CTNNBL1: variants seen among roughly 807,000 people sequenced by gnomAD.
CTNNBL1 encodes beta-catenin-like protein 1.
A neutral mutation model predicts 72.7 loss-of-function variants in CTNNBL1; 31 were observed. The observed-to-expected ratio is 0.43, with a 90% CI of 0.32 to 0.58. CTNNBL1 has a LOEUF of 0.58. Among genes scored for constraint, CTNNBL1 ranks in the 20% least tolerant of loss-of-function variants. The pLI is 0.08. For synonymous variants in CTNNBL1, 240 were observed against 267.3 expected, an observed-to-expected ratio of 0.90 and a Z score of 1.00; for missense variants, 534 against 725.1, an observed-to-expected ratio of 0.74 and a Z score of 3.03.
chr20:37,856,151 C>T lies in CTNNBL1; in HGVS notation c.1393-3748C>T, dbSNP rs573728368. 4.7e-4 allele frequency among the ~76,000 whole-genome samples: 71 copies of T among 150,640 alleles called. 1 individual carries two copies. The South Asian group carries it at 8.0e-3, about 17-fold the overall frequency. ...ACTTGGGAGGCTGAGGCAGGAGAGT[C>T]GCTTGAACCCGGCACTCCAGCCTGG... On this transcript the variant is annotated intron_variant, in intron 13 of 15. Coordinates refer to ENST00000361383, the MANE Select transcript of CTNNBL1 (RefSeq NM_030877.5).
chr20:37,700,659 C>T (rs1319284009), intron 1 of CTNNBL1, among the ~76,000 whole-genome samples: 1 of 152,140 alleles, frequency 6.6e-6, no homozygotes, highest in Admixed American at 6.5e-5. Context: ...CCCAGCAGTG[C>T]CTTGGCTGAG....
Position 37,817,556 on chromosome 20 carries a change from C to T in CTNNBL1, c.1213+14508C>T, listed in dbSNP as rs536700161. 6.6e-5 allele frequency among the ~76,000 whole-genome samples: 10 copies of T among 152,298 alleles called. 1 individual carries two copies. The South Asian group carries it at 1.0e-3, about 16-fold the overall frequency. ...ACTTGAGTTCAAATCCCAGCTCACA[C>T]CAGCTGTATAACTTTTGGCATGTTA... On this transcript the variant is annotated intron_variant, in intron 11 of 15. Coordinates refer to ENST00000361383, the MANE Select transcript of CTNNBL1 (RefSeq NM_030877.5).
chr20:37,824,967 G>T (rs1233814953), intron 11 of CTNNBL1, among the ~76,000 whole-genome samples: 1 of 152,200 alleles, frequency 6.6e-6, no homozygotes, highest in South Asian at 2.1e-4. Context: ...TTAATCACAT[G>T]ATCATACCTA....
chr20:37,789,045 T>G (rs1249762948), intron 10 of CTNNBL1, among the ~76,000 whole-genome samples: 2 of 152,178 alleles, frequency 1.3e-5, no homozygotes, highest in African/African-American at 4.8e-5. Context: ...TGAGGTGATG[T>G]TTAAAAGTGG....
chr20:37,746,430 C>T (rs1178924411), intron 3 of CTNNBL1, 38 bp from the exon 4 acceptor site: 1 of 1,599,870 alleles, frequency 6.3e-7, no homozygotes, highest in Admixed American at 1.7e-5. Flanking sequence ...GCTGATAGTG[C>T]CCCTTTCCTT....
intron 10 of CTNNBL1, among the ~76,000 whole-genome samples, chr20:37,786,860 A>C (rs2073679584): frequency 6.6e-6 from 1 of 152,208 alleles, no homozygotes; most frequent in South Asian, 2.1e-4. Context: ...TTACATTAAC[A>C]GAAAATAGAG....
At chr20:37,864,470 T>C (rs932521212) in intron 15 of CTNNBL1, among the ~76,000 whole-genome samples, 1 of 152,126 alleles carries the variant, frequency 6.6e-6, no homozygotes, top group Non-Finnish European at 1.5e-5. Context: ...TTTCCCGTTA[T>C]TTTTCAGCCC....
chr20:37,771,296 T>G (rs1187857669), intron 7 of CTNNBL1, among the ~76,000 whole-genome samples: 2 of 152,234 alleles, frequency 1.3e-5, no homozygotes, highest in African/African-American at 2.4e-5. Context: ...TTTGGTATAT[T>G]TTAGAAAGGT....
At chr20:37,826,327 A>G (rs1037359745) in intron 11 of CTNNBL1, among the ~76,000 whole-genome samples, 6 of 152,264 alleles carry the variant, frequency 3.9e-5, no homozygotes, top group South Asian at 2.1e-4. Flanking sequence ...ATGGAATACC[A>G]TGGGAACAGT....
At chr20:37,803,244 C>T (rs1359703636) in intron 11 of CTNNBL1, among the ~76,000 whole-genome samples, 196 bp downstream of exon 11, 2 of 152,136 alleles carry the variant, frequency 1.3e-5, no homozygotes, top group African/African-American at 2.4e-5. Context: ...CAGTTCTCTG[C>T]TTGTTTGAAT....
chr20:37,802,797 AC>A (rs1190714103), intron 10 of CTNNBL1, 69 bp from the exon 11 acceptor site: 5 of 1,236,428 alleles, frequency 4.0e-6, no homozygotes, highest in Admixed American at 4.2e-5. Flanking sequence ...GGCAGCAAAT[AC>A]CCTTTTTTTT....
rs376649601 is a variant in CTNNBL1 at position 37,750,124 on chromosome 20, A to G, written c.466+3517A>G. On this transcript the variant is annotated intron_variant, in intron 4 of 15. Transcript: ENST00000361383. ...TTGTTGTAACCTTAAGAGGCAGAGG[A>G]TGTGAGAAAACAGCTTGTGCCTCAT... The G allele has an allele frequency of 2.3e-4, 35 of 152,314 alleles. No homozygotes were observed. The East Asian group carries it at 4.8e-3, about 21-fold the overall frequency. The allele number at this position is 152,314 out of a possible 1,614,324, so 9.4% of individuals were successfully genotyped here. A position where few individuals can be genotyped will look rare whatever the true frequency, so the allele number is the denominator to read the frequency against.
intron 13 of CTNNBL1, among the ~76,000 whole-genome samples, chr20:37,849,426 A>G (rs1028510627): frequency 6.6e-6 from 1 of 152,132 alleles, no homozygotes; most frequent in Non-Finnish European, 1.5e-5. Context: ...GTGATGTACA[A>G]AAGCCATTCT....
intron 1 of CTNNBL1, among the ~76,000 whole-genome samples, chr20:37,709,069 G>A (rs2072914751): frequency 6.6e-6 from 1 of 152,058 alleles, no homozygotes; most frequent in East Asian, 1.9e-4. Flanking sequence ...CCTGGGAGGT[G>A]GAGGGTGCAG....
intron 1 of CTNNBL1, among the ~76,000 whole-genome samples, chr20:37,713,123 T>C (rs1399792149): frequency 1.3e-5 from 2 of 152,190 alleles, no homozygotes; most frequent in Non-Finnish European, 2.9e-5. Flanking sequence ...AGCCCCATTT[T>C]TTTTGACTGA....
At chr20:37,733,473 A>G (rs1044925539) in intron 2 of CTNNBL1, among the ~76,000 whole-genome samples, 1 of 152,182 alleles carries the variant, frequency 6.6e-6, no homozygotes. Flanking sequence ...GTTCCACAGT[A>G]TTAGGTATTT....
chr20:37,778,410 C>G (rs577617886), intron 9 of CTNNBL1, among the ~76,000 whole-genome samples: 4 of 152,234 alleles, frequency 2.6e-5, no homozygotes, highest in Admixed American at 2.6e-4. Context: ...GTGCCAGCAG[C>G]CTGAGTGTCT....
chr20:37,773,880 GTCTTTTTCT>G (rs374590242), intron 7 of CTNNBL1, among the ~76,000 whole-genome samples: 13 of 122,220 alleles, frequency 1.1e-4, no homozygotes, highest in African/African-American at 4.0e-4. Context: ...TTTCTTTCCT[GTCTTTTTCT>G]TCTTTTTCTT....
At chr20:37,710,046 A>G (rs1199829799) in intron 1 of CTNNBL1, among the ~76,000 whole-genome samples, 1 of 152,220 alleles carries the variant, frequency 6.6e-6, no homozygotes, top group South Asian at 2.1e-4. Flanking sequence ...GTCCTTGATT[A>G]TGCGTCCTCT....
Sources: gnomAD v4.1 joint callset for allele counts (sites outside exome capture counted in the v4.1 genomes callset) on GRCh38, gnomAD v4.1.1 for gene constraint, MANE v1.5 for transcripts, NCBI Gene and HGNC (gene_info 2026-07-23, HGNC 2026-07-21) for gene names.